The following SEC63 variants were observed in gnomAD, a reference collection of about 807,000 sequenced individuals.
SEC63 encodes the protein translocation protein SEC63 homolog.
A neutral mutation model predicts 116.2 loss-of-function variants in SEC63; 56 were observed. The ratio of observed to expected loss-of-function variants is 0.48; its 90% confidence interval spans 0.39 to 0.60. SEC63 has a LOEUF of 0.60. Ranked by LOEUF, SEC63 falls within the 20% of genes least tolerant of loss-of-function variation. The pLI is 0.00. For synonymous variants in SEC63, 273 were observed against 294.6 expected, an observed-to-expected ratio of 0.93 and a Z score of 0.75; for missense variants, 668 against 900.0, an observed-to-expected ratio of 0.74 and a Z score of 3.30.
intron 19 of SEC63, among the ~76,000 whole-genome samples, chr6:107,874,459 A>G (rs12526693): frequency 0.86 from 130,626 of 151,664 alleles, 56,347 homozygotes; most frequent in Middle Eastern, 0.93. Flanking sequence ...AGCTGGGTGC[A>G]GTGGCGGGCG....
intron 1 of SEC63, chr6:107,930,073 T>C (rs980031834): frequency 6.5e-6 from 1 of 153,562 alleles, no homozygotes; most frequent in African/African-American, 2.4e-5. Context: ...CAGCAGCACA[T>C]ACACTAAAAC....
At chr6:107,944,665 C>A (rs1770444239) in intron 1 of SEC63, among the ~76,000 whole-genome samples, 1 of 151,550 alleles carries the variant, frequency 6.6e-6, no homozygotes, top group Non-Finnish European at 1.5e-5. Context: ...CCACTGCATT[C>A]CAACCTAGAT....
intron 4 of SEC63, among the ~76,000 whole-genome samples, chr6:107,915,895 G>A (rs1000396890): frequency 4.6e-5 from 7 of 152,142 alleles, no homozygotes; most frequent in East Asian, 1.9e-4. Flanking sequence ...TAGGTCCCAC[G>A]ATCACTTCAC....
intron 3 of SEC63, 109 bp downstream of exon 3, chr6:107,924,709 G>A: frequency 3.0e-6 from 2 of 675,828 alleles, no homozygotes; most frequent in Non-Finnish European, 5.3e-6. Flanking sequence ...TAAACAAACT[G>A]ACCAAAGTCT....
At chr6:107,953,185 G>A (rs1484576055) in intron 1 of SEC63, among the ~76,000 whole-genome samples, 2 of 152,164 alleles carry the variant, frequency 1.3e-5, no homozygotes, top group East Asian at 1.9e-4. Context: ...GTTTGAACAC[G>A]GGAAGCAGAG....
At chr6:107,918,168 A>G (rs906601541) in intron 4 of SEC63, among the ~76,000 whole-genome samples, 1 of 152,120 alleles carries the variant, frequency 6.6e-6, no homozygotes, top group Non-Finnish European at 1.5e-5. Flanking sequence ...CTATAAATAG[A>G]ACAACAAATC....
chr6:107,913,427 A>G lies in SEC63; in HGVS notation c.453T>C (p.Ala151=). 6.2e-7 allele frequency: 1 copy of G among 1,612,396 alleles called. No homozygotes were observed. Among genetic ancestry groups the G allele is most frequent in the Non-Finnish European group, 8.5e-7 (1 of 1,178,506 alleles). ...MFMRIAKAYA[A]LTDEESRKNW... is the part of the protein sequence containing the mutation. ...TTTTCCGGGACTCTTCATCCGTTAA[A>G]CTAGCATCAAAAGAACAAAGTTGCA... Residue 151 remains alanine, a splice_region_variant and synonymous_variant, in exon 5 of 21, where the codon GCT becomes GCC. Transcript: ENST00000369002.
chr6:107,872,966 A>C, intron 19 of SEC63, 54 bp from the exon 20 acceptor site: 40 of 1,147,154 alleles, frequency 3.5e-5, no homozygotes, highest in Non-Finnish European at 4.9e-5. Context: ...GAAACAGCTC[A>C]CTCCCTAAAA....
At chr6:107,916,879 G>C (rs1171511451) in intron 4 of SEC63, among the ~76,000 whole-genome samples, 2 of 152,102 alleles carry the variant, frequency 1.3e-5, no homozygotes, top group Admixed American at 1.3e-4. Flanking sequence ...CCTATTCCCT[G>C]AGACACACAA....
At chr6:107,881,764 T>C (rs1391476631) in intron 17 of SEC63, among the ~76,000 whole-genome samples, 1 of 152,188 alleles carries the variant, frequency 6.6e-6, no homozygotes, top group African/African-American at 2.4e-5. Context: ...ATTTCATATG[T>C]ACTATAGTAT....
intron 7 of SEC63, among the ~76,000 whole-genome samples, chr6:107,910,499 C>T (rs1297540821): frequency 6.6e-6 from 1 of 151,908 alleles, no homozygotes; most frequent in African/African-American, 2.4e-5. Flanking sequence ...TGGACAGTTT[C>T]CCTGTATTTA....
chr6:107,925,320 G>C (rs1787650908), intron 2 of SEC63, among the ~76,000 whole-genome samples: 1 of 151,956 alleles, frequency 6.6e-6, no homozygotes, highest in African/African-American at 2.4e-5. Context: ...AGATAAACTA[G>C]GAAAAACAAT....
At chr6:107,943,753 T>C (rs944870780) in intron 1 of SEC63, among the ~76,000 whole-genome samples, 1 of 151,896 alleles carries the variant, frequency 6.6e-6, no homozygotes, top group Non-Finnish European at 1.5e-5. Context: ...AAAGAGTGTG[T>C]TTCACTGTGT....
intron 4 of SEC63, among the ~76,000 whole-genome samples, chr6:107,913,944 C>T (rs987998115): frequency 2.6e-5 from 4 of 152,204 alleles, no homozygotes; most frequent in African/African-American, 9.6e-5. Flanking sequence ...ACATGTAAAA[C>T]TCCATTGCTG....
intron 18 of SEC63, among the ~76,000 whole-genome samples, chr6:107,879,472 T>C (rs1166047620): frequency 6.6e-6 from 1 of 152,210 alleles, no homozygotes; most frequent in Non-Finnish European, 1.5e-5. Context: ...ATTACAGGCA[T>C]GTGACACCAT....
In SEC63 at chr6:107,893,570, T is replaced by C. The variant is rs1290603828; in HGVS notation, c.1586A>G (p.Lys529Arg). 5.8e-6 allele frequency: 9 copies of C among 1,559,796 alleles called. No homozygotes were observed. Among genetic ancestry groups the C allele is most frequent in the African/African-American group, 4.1e-5 (3 of 72,412 alleles). Reference sequence around the variant, plus strand: ...TGTAGGTTTTTTTTTTAAAGGTTTCTTTTTTTTTGATTTAGCAGTTTTCTT... The same window carrying C: ...TGTAGGTTTTTTTTTTAAAGGTTTCCTTTTTTTTGATTTAGCAGTTTTCTT... ...GPKKTAKSKKKKPLKKKPTPV... is the reference protein window; with the variant it reads ...GPKKTAKSKKRKPLKKKPTPV... Residue 529 changes from lysine (K) to arginine (R), a missense_variant, in exon 16 of 21, where the codon AAG becomes AGG. Around this residue, in one of 5 missense-constraint regions of SEC63, gnomAD observed 430 missense variants for 557.5 expected, o/e 0.77. Transcript: ENST00000369002.
intron 1 of SEC63, among the ~76,000 whole-genome samples, chr6:107,935,762 C>T (rs371469040): frequency 3.3e-4 from 50 of 150,816 alleles, no homozygotes; most frequent in South Asian, 2.5e-3. Flanking sequence ...TCCCCCTCTG[C>T]GAGAAACACC....
chr6:107,904,584 C>T (rs769203699), intron 11 of SEC63, 45 bp downstream of exon 11: 5 of 1,463,076 alleles, frequency 3.4e-6, no homozygotes, highest in South Asian at 3.4e-5. Context: ...TCTGCATATG[C>T]TTGCAAGAAA....
intron 16 of SEC63, among the ~76,000 whole-genome samples, chr6:107,884,079 G>A (rs1227123016): frequency 8.3e-5 from 12 of 144,156 alleles, no homozygotes; most frequent in Non-Finnish European, 1.1e-4. Context: ...GTGAAACCCC[G>A]TCCCTACTAA....
Sources: allele counts gnomAD v4.1 joint callset (sites outside exome capture counted in the v4.1 genomes callset), GRCh38; gene constraint gnomAD v4.1.1; regional missense constraint gnomAD v4.1.1; transcripts MANE v1.5; gene names NCBI Gene and HGNC (gene_info 2026-07-23, HGNC 2026-07-21).